Variants in OVCH1 observed in about 807,000 individuals in gnomAD.
OVCH1 encodes ovochymase 1.
In OVCH1, 139 loss-of-function variants were observed where a neutral mutation model predicts 138.4. The ratio of observed to expected loss-of-function variants is 1.00; its 90% CI spans 0.87 to 1.16. The LOEUF is 1.16. OVCH1 is among the 50% of genes most tolerant of loss of function. The pLI is 0.00. For synonymous variants in OVCH1, 453 were observed against 467.8 expected (o/e 0.97, Z 0.41); for missense variants, 1,367 against 1,357.9 (o/e 1.01, Z -0.11).
chr12:29,495,625 C>A (rs1264233562), intron 3 of OVCH1, among the ~76,000 whole-genome samples, 168 bp from the exon 4 acceptor site: 1 of 151,740 alleles, frequency 6.6e-6, no homozygotes, highest in East Asian at 1.9e-4. Flanking sequence ...TTTTTTTAAT[C>A]TAGAAAAAAT....
chr12:29,494,229 G>A (rs1024345969), intron 4 of OVCH1, among the ~76,000 whole-genome samples: 2 of 152,082 alleles, frequency 1.3e-5, no homozygotes, highest in African/African-American at 4.8e-5. Context: ...CTCCTCTCAT[G>A]GCCAGGTCAA....
At chr12:29,440,832 T>C (rs563148524) in intron 25 of OVCH1, 88 bp from the exon 26 acceptor site, 4 of 433,176 alleles carry the variant, frequency 9.2e-6, no homozygotes, top group African/African-American at 2.0e-5. Flanking sequence ...AGTTTAGCAA[T>C]TGGATTTTTT....
chr12:29,467,879 C>T (rs1716946465), intron 16 of OVCH1, among the ~76,000 whole-genome samples: 1 of 152,132 alleles, frequency 6.6e-6, no homozygotes, highest in African/African-American at 2.4e-5. Context: ...CTGGAGTCAA[C>T]CAGTGCCAGG....
chr12:29,413,817 A>G (rs1178610057), intron 3 of OVCH1, among the ~76,000 whole-genome samples: 1 of 152,196 alleles, frequency 6.6e-6, no homozygotes. Flanking sequence ...TGTTCTTAAA[A>G]AAATTGTATA....
chr12:29,439,947 A>G (rs1941444548), intron 25 of OVCH1, among the ~76,000 whole-genome samples: 2 of 152,208 alleles, frequency 1.3e-5, no homozygotes, highest in Non-Finnish European at 2.9e-5. Context: ...CAGAGCTTCA[A>G]TGTTCTTTCT....
chr12:29,492,067 T>C (rs552975064), intron 4 of OVCH1, among the ~76,000 whole-genome samples: 3 of 152,194 alleles, frequency 2.0e-5, no homozygotes, highest in South Asian at 4.2e-4. Context: ...ATACATGCTA[T>C]GGAAAAATAA....
exon 3 of OVCH1, chr12:29,496,215 C>T (rs1943411364): frequency 6.2e-7 from 1 of 1,609,602 alleles, no homozygotes; most frequent in Admixed American, 1.7e-5. Context: ...GCTGCTGTAA[C>T]AACCCGATCT....
At chr12:29,470,380 C>T (rs1942461901) in intron 16 of OVCH1, among the ~76,000 whole-genome samples, 1 of 152,074 alleles carries the variant, frequency 6.6e-6, no homozygotes, top group African/African-American at 2.4e-5. Flanking sequence ...CTCTCCCTCC[C>T]CTTGTCTCCC....
rs751804464 is a variant in OVCH1 at position 29,471,987 on chromosome 12, A to C, written c.1676-5T>G. 41 of 1,603,718 alleles carry C rather than the reference A, an allele frequency of 2.6e-5. No individual in the cohort carries two copies. In the Admixed American group the frequency reaches 6.2e-4, roughly 24 times the overall value. ...ATGGAGGGATGCCACAGACATCTAC[A>C]GTAAAGATGAAACCAATGACCCATA... On this transcript the variant is annotated splice_polypyrimidine_tract_variant and splice_region_variant and intron_variant, in intron 15 of 27. Coordinates refer to ENST00000318184, the Ensembl canonical transcript of OVCH1.
At chr12:29,477,685 A>C in intron 9 of OVCH1, 1 of 1,288,840 alleles carries the variant, frequency 7.8e-7, no homozygotes, top group South Asian at 1.4e-5. Context: ...CACATGTCCA[A>C]ATTCTACTTA....
At chr12:29,449,365 A>ATGT (rs755767163) in intron 22 of OVCH1, among the ~76,000 whole-genome samples, 20 of 151,796 alleles carry the variant, frequency 1.3e-4, no homozygotes, top group Non-Finnish European at 7.4e-5. Context: ...GTACTTGAAA[A>ATGT]TGTTAAGGAT....
At chr12:29,434,301 A>G (rs1257111514) in intron 26 of OVCH1, among the ~76,000 whole-genome samples, 1 of 152,204 alleles carries the variant, frequency 6.6e-6, no homozygotes, top group Non-Finnish European at 1.5e-5. Flanking sequence ...CCAAGTATCC[A>G]GAAAAATAAA....
chr12:29,479,831 T>TC (rs1185488384), intron 8 of OVCH1, among the ~76,000 whole-genome samples: 2 of 149,258 alleles, frequency 1.3e-5, no homozygotes, highest in African/African-American at 2.5e-5. Flanking sequence ...TTTCTTTTTT[T>TC]TTTTTTTTTT....
intron 18 of OVCH1, among the ~76,000 whole-genome samples, chr12:29,463,273 C>A (rs570625288): frequency 1.3e-5 from 2 of 152,084 alleles, no homozygotes; most frequent in African/African-American, 4.8e-5. Flanking sequence ...ATGGGAGGCC[C>A]GTCCTGCTGC....
chr12:29,463,274 G>A (rs1204449285), intron 18 of OVCH1, among the ~76,000 whole-genome samples: 2 of 152,238 alleles, frequency 1.3e-5, no homozygotes, highest in East Asian at 1.9e-4. Context: ...TGGGAGGCCC[G>A]TCCTGCTGCA....
downstream of OVCH1, among the ~76,000 whole-genome samples, chr12:29,410,982 C>A (rs1438015154): frequency 1.3e-5 from 2 of 151,826 alleles, no homozygotes; most frequent in Admixed American, 1.3e-4. Flanking sequence ...TCACATAGTC[C>A]CATATTTCTT....
chr12:29,412,320 G>T (rs2135870059), downstream of OVCH1, among the ~76,000 whole-genome samples: 1 of 152,184 alleles, frequency 6.6e-6, no homozygotes, highest in African/African-American at 2.4e-5. Flanking sequence ...ACGGTGAGCT[G>T]CACCCACTGA....
intron 26 of OVCH1, among the ~76,000 whole-genome samples, chr12:29,438,946 A>G (rs1592039130): frequency 6.6e-6 from 1 of 152,196 alleles, no homozygotes; most frequent in South Asian, 2.1e-4. Context: ...GGTTGAGAGT[A>G]TACCATCCTG....
intron 8 of OVCH1, among the ~76,000 whole-genome samples, chr12:29,483,091 C>A (rs935653132): frequency 9.6e-5 from 14 of 146,018 alleles, no homozygotes; most frequent in Admixed American, 2.0e-4. Flanking sequence ...AAGACACTTC[C>A]CTCCTCCTCT....
Sources: gnomAD v4.1 joint callset for allele counts (sites outside exome capture counted in the v4.1 genomes callset) on GRCh38, gnomAD v4.1.1 for gene constraint, MANE v1.5 for transcripts, NCBI Gene and HGNC (gene_info 2026-07-23, HGNC 2026-07-21) for gene names.